RTN4RL1: variants seen among roughly 807,000 people sequenced by gnomAD.
RTN4RL1 encodes the protein reticulon-4 receptor-like 1.
A neutral mutation model predicts 25.6 loss-of-function variants in RTN4RL1; 7 were observed. The ratio of observed to expected loss-of-function variants is 0.27; its 90% CI spans 0.16 to 0.51. The LOEUF (loss-of-function observed/expected upper bound fraction) is 0.51, where lower values mean the gene tolerates loss of function less well. Among genes scored for constraint, RTN4RL1 ranks in the 20% least tolerant of loss-of-function variants. The pLI is 0.97. For missense variants in RTN4RL1, 500 were observed against 615.6 expected (o/e 0.81, Z 1.99); for synonymous variants, 297 against 288.2 (o/e 1.03, Z -0.31).
rs750018121 is a variant in RTN4RL1 at position 1,936,559 on chromosome 17, C to A, written c.1263G>T (p.Ser421=). The change falls in exon 2 of 2, where the codon TCG becomes TCT. Residue 421 remains serine (S), a synonymous_variant. Transcript: ENST00000331238. The part of the protein sequence containing the change: ...RAPSGVQQAS[S]ASSLGASLLA... ...GGAGGGAGGCCCCCAGGGAACTGGC[C>A]GAGGAGGCCTGCTGCACCCCGCTGG... 8 of 1,560,988 alleles carry A rather than the reference C, an allele frequency of 5.1e-6. No homozygotes were observed. The highest frequency in any genetic ancestry group is 1.9e-5 in the Admixed American group (1 of 52,110).
At position 1,998,179 on chromosome 17, in the gene RTN4RL1, T is replaced by C. The variant is rs2066938533; in HGVS notation, c.13+26674A>G. 6.6e-6 allele frequency among the ~76,000 whole-genome samples: 1 copy of C among 151,868 alleles called. No homozygotes were observed. The highest frequency in any genetic ancestry group is 2.4e-5 in the African/African-American group (1 of 41,360). ...CCTTGGCTCCCTGGCCCGGATTAAA[T>C]ATTTACTATGTTTTGTTTGGCCTTT... is the stretch of plus-strand genomic sequence containing the variant. On this transcript the variant is annotated intron_variant, in intron 1 of 1. Coordinates refer to ENST00000331238, the MANE Select transcript of RTN4RL1 (RefSeq NM_178568.4). The surrounding 1 kb of genome is among the most constrained non-coding windows in gnomAD (Gnocchi z 4.9).
At chr17:1,984,911 G>A (rs567131589) in intron 1 of RTN4RL1, among the ~76,000 whole-genome samples, 73 of 152,036 alleles carry the variant, frequency 4.8e-4, no homozygotes, top group African/African-American at 1.7e-3. Context: ...AGGTTGCAGT[G>A]AGCCGAGATC....
chr17:2,000,386 C>T (rs1022624507), intron 1 of RTN4RL1, among the ~76,000 whole-genome samples: 20 of 151,816 alleles, frequency 1.3e-4, no homozygotes, highest in African/African-American at 4.8e-4. Flanking sequence ...CTCTCTCTGC[C>T]GCCCAGGCTG....
At chr17:1,947,849 T>C (rs930109573) in intron 1 of RTN4RL1, among the ~76,000 whole-genome samples, 1 of 152,148 alleles carries the variant, frequency 6.6e-6, no homozygotes, top group Non-Finnish European at 1.5e-5. Context: ...CACATTGCAG[T>C]GGGATGACCT....
At chr17:1,959,026 C>T (rs1481177282) in intron 1 of RTN4RL1, among the ~76,000 whole-genome samples, 3 of 152,252 alleles carry the variant, frequency 2.0e-5, no homozygotes, top group Non-Finnish European at 4.4e-5. Context: ...GTGAGGCCCT[C>T]TCAAAACACG....
intron 1 of RTN4RL1, among the ~76,000 whole-genome samples, chr17:1,973,313 C>T (rs2066828534): frequency 6.7e-6 from 1 of 149,048 alleles, no homozygotes; most frequent in African/African-American, 2.5e-5. Flanking sequence ...TTGCAGTGAG[C>T]TGAGATTGCA....
intron 1 of RTN4RL1, among the ~76,000 whole-genome samples, chr17:2,004,283 A>G (rs1199980970): frequency 3.6e-5 from 5 of 140,202 alleles, no homozygotes; most frequent in Non-Finnish European, 6.1e-5. Context: ...CAGGAGAATG[A>G]TGTGAACCTG....
chr17:1,951,200 G>A (rs1409697979), intron 1 of RTN4RL1, among the ~76,000 whole-genome samples: 2 of 151,830 alleles, frequency 1.3e-5, no homozygotes, highest in African/African-American at 2.4e-5. Context: ...GGTAGAAGGA[G>A]CTTGCAGTGA....
At chr17:1,947,099 ATG>A (rs1171564765) in intron 1 of RTN4RL1, among the ~76,000 whole-genome samples, 3 of 122,402 alleles carry the variant, frequency 2.5e-5, no homozygotes, top group Admixed American at 8.4e-5. Flanking sequence ...CTCTGTGTCA[ATG>A]TGTGTGTGCG....
chr17:1,976,295 A>G (rs1361717418), intron 1 of RTN4RL1, among the ~76,000 whole-genome samples: 1 of 152,246 alleles, frequency 6.6e-6, no homozygotes. Context: ...TCAAGGTTCC[A>G]GAGACCAGGC....
intron 1 of RTN4RL1, among the ~76,000 whole-genome samples, chr17:1,987,779 C>T (rs891381514): frequency 8.6e-5 from 13 of 151,448 alleles, no homozygotes; most frequent in African/African-American, 3.2e-4. Context: ...GGACTTTCCA[C>T]ACATTATCCC....
intron 1 of RTN4RL1, among the ~76,000 whole-genome samples, chr17:2,001,942 G>GAGGGC (rs1567521631): frequency 1.3e-4 from 19 of 151,892 alleles, no homozygotes; most frequent in Admixed American, 9.2e-4. Context: ...GAGGGGAGGG[G>GAGGGC]AGGGAGTGGG....
At chr17:2,006,886 G>C (rs1310087943) in intron 1 of RTN4RL1, among the ~76,000 whole-genome samples, 1 of 152,108 alleles carries the variant, frequency 6.6e-6, no homozygotes, top group African/African-American at 2.4e-5. Context: ...GCCTCCCAAA[G>C]TCCGGGGATT....
intron 1 of RTN4RL1, chr17:2,019,021 T>G (rs1156887958): frequency 6.6e-6 from 1 of 152,208 alleles, no homozygotes; most frequent in African/African-American, 2.4e-5. Context: ...GGACACCAAG[T>G]CAGCGGGCTC....
At chr17:2,004,300 G>A (rs1019950820) in intron 1 of RTN4RL1, among the ~76,000 whole-genome samples, 1 of 148,192 alleles carries the variant, frequency 6.7e-6, no homozygotes, top group Non-Finnish European at 1.5e-5. Flanking sequence ...CCTGGGAGGC[G>A]GAACTTGGAG....
chr17:2,013,997 A>G (rs1205220028), intron 1 of RTN4RL1, among the ~76,000 whole-genome samples: 1 of 152,018 alleles, frequency 6.6e-6, no homozygotes, highest in African/African-American at 2.4e-5. Flanking sequence ...CTTCTCCCCT[A>G]CTCTGTTTCA....
At chr17:1,972,806 T>C (rs2066826300) in intron 1 of RTN4RL1, among the ~76,000 whole-genome samples, 1 of 152,194 alleles carries the variant, frequency 6.6e-6, no homozygotes. Flanking sequence ...AGGCCCATTT[T>C]CTATGCGATT....
In RTN4RL1 at chr17:1,937,490, C is replaced by T. The variant is rs11652394; in HGVS notation, c.332G>A (p.Arg111Gln). 688 of 1,613,922 alleles carry T rather than the reference C, an allele frequency of 4.3e-4. 3 individuals carry two copies. In the South Asian group the frequency reaches 6.4e-3, roughly 15 times the overall value. The change falls in exon 2 of 2, where the codon CGG becomes CAG. Residue 111 changes from arginine to glutamine, a missense_variant. Around this residue, in one of 2 missense-constraint regions of RTN4RL1, gnomAD observed 232 missense variants for 341.1 expected, o/e 0.68. Transcript: ENST00000331238. ...CTCGGGTGCCAGCGTCCGCAGCTGC[C>T]GGTTGTCGCCGAGGTCCAGCTCCTC... ...HLEELDLGDN[R>Q]QLRTLAPETF...
chr17:1,992,856 C>T (rs2066915246), intron 1 of RTN4RL1, among the ~76,000 whole-genome samples: 1 of 152,252 alleles, frequency 6.6e-6, no homozygotes, highest in African/African-American at 2.4e-5. Flanking sequence ...CCACAGCACA[C>T]AGTCAGCATT....
Sources: gnomAD v4.1 joint callset for allele counts (sites outside exome capture counted in the v4.1 genomes callset) on GRCh38, gnomAD v4.1.1 for gene constraint, gnomAD v4.1.1 regional missense constraint, Gnocchi (gnomAD v3.1) non-coding constraint, MANE v1.5 for transcripts, NCBI Gene and HGNC (gene_info 2026-07-23, HGNC 2026-07-21) for gene names.